Variants in SCAPER observed in about 807,000 individuals in gnomAD.
The protein encoded by SCAPER is S-phase cyclin A associated protein in the ER, also known as S phase cyclin A-associated protein in the endoplasmic reticulum.
SCAPER carries 98 observed loss-of-function variants against 182.2 expected under a neutral mutation model. That is an observed-to-expected ratio of 0.54 (90% confidence interval 0.46 to 0.64). The LOEUF is 0.64. Ranked by LOEUF, SCAPER falls within the 30% of genes least tolerant of loss-of-function variation. SCAPER has a pLI of 0.00. For synonymous variants in SCAPER, 605 were observed against 564.6 expected (o/e 1.07, Z -1.01); for missense variants, 1,432 against 1,690.0 (o/e 0.85, Z 2.68).
rs550149033 is a variant in SCAPER, at chr15:76,765,264, A to G, written c.1613+73T>C. 191 of 1,248,822 alleles carry G rather than the reference A, an allele frequency of 1.5e-4. No homozygotes were observed. In the African/African-American group the frequency reaches 2.7e-3, roughly 17 times the overall value. 77.4% of individuals were successfully genotyped at this position (1,248,822 alleles called of 1,614,324 possible). The stretch of plus-strand genomic sequence containing the variant: ...ATGTGTCCAAAAATGCCACGTAGCA[A>G]TTTTATTTAACAGTCAAGAGTGGCT... On this transcript the variant is annotated intron_variant, in intron 13 of 31. Transcript: ENST00000563290.
rs574978130 is a variant in SCAPER, at chr15:76,724,678, G to A, written c.2165+3917C>T. Among the ~76,000 whole-genome samples the A allele has an allele frequency of 1.5e-3, 221 of 151,354 alleles. 1 individual carries two copies. The highest frequency in any genetic ancestry group is 5.0e-3 in the African/African-American group (204 of 41,194). ...CTTCACGCTTCATTTCATTCATTTC[G>A]TCTTCCATCACTGATACCCTTTCTT... On this transcript the variant is annotated intron_variant, in intron 17 of 31. Coordinates refer to ENST00000563290, the MANE Select transcript of SCAPER (RefSeq NM_020843.4).
intron 25 of SCAPER, among the ~76,000 whole-genome samples, chr15:76,454,724 G>A (rs2048602716): frequency 6.6e-6 from 1 of 151,598 alleles, no homozygotes. Context: ...AGGTTATAGT[G>A]GTCTTAAAAA....
chr15:76,782,068 GC>G, intron 8 of SCAPER, among the ~76,000 whole-genome samples: 1 of 152,212 alleles, frequency 6.6e-6, no homozygotes, highest in Admixed American at 6.5e-5. Flanking sequence ...TGTGCTAAAT[GC>G]CCCAATTAAA....
intron 15 of SCAPER, among the ~76,000 whole-genome samples, chr15:76,751,831 G>A (rs2062103704): frequency 6.6e-6 from 1 of 151,604 alleles, no homozygotes; most frequent in African/African-American, 2.4e-5. Flanking sequence ...ATGATTTATT[G>A]GATATGACAC....
chr15:76,381,943 G>A (rs531547497), intron 27 of SCAPER, among the ~76,000 whole-genome samples: 43 of 152,238 alleles, frequency 2.8e-4, no homozygotes, highest in African/African-American at 8.7e-4. Context: ...AGTTGACAGA[G>A]TCTGTGAAAG....
intron 23 of SCAPER, among the ~76,000 whole-genome samples, chr15:76,572,917 T>TCACACACACACACACACACACA (rs1231032832): frequency 1.1e-4 from 15 of 133,548 alleles, no homozygotes; most frequent in African/African-American, 3.7e-4. Flanking sequence ...TCTCTCTCTC[T>TCACACACACACACACACACACA]CTCACACACA....
intron 20 of SCAPER, among the ~76,000 whole-genome samples, chr15:76,700,713 C>T (rs1173909055): frequency 6.6e-6 from 1 of 152,136 alleles, no homozygotes; most frequent in Non-Finnish European, 1.5e-5. Context: ...AAATAAAATA[C>T]TATTCAACTA....
intron 20 of SCAPER, among the ~76,000 whole-genome samples, chr15:76,679,133 A>G (rs55856713): frequency 0.023 from 3,566 of 152,328 alleles, 66 homozygotes; most frequent in Non-Finnish European, 0.032. Context: ...TTCAAACACT[A>G]TTCAAAAATG....
At chr15:76,677,132 T>A (rs1161148516) in intron 20 of SCAPER, among the ~76,000 whole-genome samples, 1 of 152,134 alleles carries the variant, frequency 6.6e-6, no homozygotes, top group Non-Finnish European at 1.5e-5. Flanking sequence ...TTTCAAAATG[T>A]GAATCACAAT....
chr15:76,564,525 A>T (rs1483355802), intron 23 of SCAPER, among the ~76,000 whole-genome samples: 1 of 152,170 alleles, frequency 6.6e-6, no homozygotes, highest in Non-Finnish European at 1.5e-5. Context: ...GATAAAAACA[A>T]ATGGAAAAAC....
intron 1 of SCAPER, among the ~76,000 whole-genome samples, chr15:76,890,335 A>G (rs1384576758): frequency 1.3e-5 from 2 of 152,282 alleles, no homozygotes; most frequent in South Asian, 2.1e-4. Context: ...AACTGAAGGA[A>G]ATAGAGACAC....
rs1377670131 is a variant in SCAPER at position 76,665,688 on chromosome 15, T to C, written c.2610A>G (p.Lys870=). The change falls in exon 21 of 32, where the codon AAA becomes AAG. Residue 870 remains lysine, a synonymous_variant. Coordinates refer to ENST00000563290, the MANE Select transcript of SCAPER (RefSeq NM_020843.4). ...TCCGGGCTTTTATCTTTTTGGCTTTTTTTTTATTTTTTTGCCGCTCTTCTC... is the reference window on the plus strand; with the variant it reads ...TCCGGGCTTTTATCTTTTTGGCTTTCTTTTTATTTTTTTGCCGCTCTTCTC... ...KDGEERQKNK[K]KAKKIKARMN... The C allele has an allele frequency of 1.3e-6, 2 of 1,585,076 alleles. No individual in the cohort carries two copies. Among genetic ancestry groups the C allele is most frequent in the East Asian group, 4.5e-5 (2 of 44,404 alleles).
rs541142826 is a variant in SCAPER, at chr15:76,803,287, C to T, written c.494+1246G>A. On this transcript the variant is annotated intron_variant, in intron 6 of 31. Transcript: ENST00000563290. ...TCAAAGATATCACACATGCTGTTAG[C>T]ATTATCTCGAATTACTCTTTTCTCT... is the stretch of plus-strand genomic sequence containing the variant. Among the ~76,000 whole-genome samples, 21 of 152,306 alleles carry T rather than the reference C, an allele frequency of 1.4e-4. No individual in the cohort carries two copies. The South Asian group carries it at 4.1e-3, about 30-fold the overall frequency.
chr15:76,859,743 T>G (rs922820932), intron 3 of SCAPER, among the ~76,000 whole-genome samples: 11 of 152,064 alleles, frequency 7.2e-5, no homozygotes, highest in African/African-American at 2.7e-4. Context: ...TTTTGTTTTG[T>G]TTTTTTGAGA....
chr15:76,694,645 T>C (rs1031663573), intron 20 of SCAPER, among the ~76,000 whole-genome samples: 7 of 152,234 alleles, frequency 4.6e-5, no homozygotes, highest in South Asian at 2.1e-4. Flanking sequence ...TACAATTTTA[T>C]AGACACATTA....
chr15:76,727,260 T>G (rs1386195568), intron 17 of SCAPER, among the ~76,000 whole-genome samples: 3 of 152,050 alleles, frequency 2.0e-5, no homozygotes, highest in African/African-American at 7.2e-5. Flanking sequence ...AATATAGAAC[T>G]GAGCAAGCTG....
intron 4 of SCAPER, among the ~76,000 whole-genome samples, chr15:76,843,762 G>A (rs972944847): frequency 2.0e-5 from 3 of 151,872 alleles, no homozygotes; most frequent in Admixed American, 6.6e-5. Flanking sequence ...TTTGAGAACA[G>A]ACCAGGGCAA....
chr15:76,610,625 C>G (rs535771037), intron 22 of SCAPER, among the ~76,000 whole-genome samples: 15 of 152,154 alleles, frequency 9.9e-5, no homozygotes, highest in Non-Finnish European at 1.9e-4. Context: ...ACTAAGATTT[C>G]TATGTATAAA....
chr15:76,619,581 TTC>T (rs1420586366), intron 22 of SCAPER, among the ~76,000 whole-genome samples: 2 of 152,294 alleles, frequency 1.3e-5, no homozygotes, highest in South Asian at 2.1e-4. Context: ...CAATTATTTT[TTC>T]TTTCTTTTTT....
Sources: allele counts gnomAD v4.1 joint callset (sites outside exome capture counted in the v4.1 genomes callset), GRCh38; gene constraint gnomAD v4.1.1; transcripts MANE v1.5; gene names NCBI Gene and HGNC (gene_info 2026-07-23, HGNC 2026-07-21).